DOCK2: variants seen among roughly 807,000 people sequenced by gnomAD.
The protein encoded by DOCK2 is dedicator of cytokinesis protein 2.
A neutral mutation model predicts 248.9 loss-of-function variants in DOCK2; 87 were observed. That is an observed-to-expected ratio of 0.35 (90% CI 0.29 to 0.42). The LOEUF is 0.42. DOCK2 is among the 10% of genes least tolerant of loss of function. The pLI, the probability that DOCK2 is intolerant of heterozygous loss-of-function variation, is 1.00. For synonymous variants in DOCK2, 805 were observed against 821.6 expected (o/e 0.98, Z 0.35); for missense variants, 1,747 against 2,300.2 (o/e 0.76, Z 4.92).
intron 6 of DOCK2, among the ~76,000 whole-genome samples, chr5:169,681,487 G>A (rs906382538): frequency 6.6e-6 from 1 of 151,380 alleles, no homozygotes; most frequent in Non-Finnish European, 1.5e-5. Context: ...CCTAGTTCAA[G>A]TGTTGGGTGT....
intron 25 of DOCK2, among the ~76,000 whole-genome samples, chr5:169,784,380 G>A (rs1366351578): frequency 1.3e-5 from 2 of 152,152 alleles, no homozygotes; most frequent in Non-Finnish European, 2.9e-5. Context: ...TTTCAGCCCA[G>A]GAAAGTGTGG....
chr5:169,657,225 G>T (rs1758172756), intron 2 of DOCK2, among the ~76,000 whole-genome samples: 1 of 152,138 alleles, frequency 6.6e-6, no homozygotes. Flanking sequence ...TAATGGAGCT[G>T]GAGGGGGTCT....
chr5:169,815,261 A>T (rs918101722), intron 26 of DOCK2, among the ~76,000 whole-genome samples: 1 of 152,188 alleles, frequency 6.6e-6, no homozygotes, highest in African/African-American at 2.4e-5. Context: ...CCATCTGGAA[A>T]ATAAGAAGAC....
Position 170,008,711 on chromosome 5 carries a change from T to G in DOCK2, c.3197T>G (p.Ile1066Ser). 6.2e-7 allele frequency: 1 copy of G among 1,614,088 alleles called. No individual in the cohort carries two copies. The highest frequency in any genetic ancestry group is 8.5e-7 in the Non-Finnish European group (1 of 1,179,976). ...LNKYGDMRRL[I>S]GFSIRDMWYK... is the part of the protein sequence containing the mutation. ...AGGTATGGGGACATGAGACGGCTAA[T>G]TGGCTTCTCCATCCGTGATATGTGG... Residue 1066 changes from isoleucine (I) to serine (S), a missense_variant, in exon 32 of 52, where the codon ATT (isoleucine) becomes AGT (serine). Ile to Ser is a moderately radical substitution (Grantham distance 142). This residue lies in a region of DOCK2 where 858 missense variants were observed against 1,183.5 expected (regional missense o/e 0.72). Coordinates refer to ENST00000520908, the MANE Select transcript of DOCK2 (RefSeq NM_004946.3).
At chr5:170,008,242 A>G (rs1455764320) in intron 30 of DOCK2, among the ~76,000 whole-genome samples, 1 of 151,320 alleles carries the variant, frequency 6.6e-6, no homozygotes, top group African/African-American at 2.4e-5. Flanking sequence ...AAAAAAACCT[A>G]AAATTCTCCT....
At chr5:169,719,438 G>T (rs1312817230) in intron 22 of DOCK2, among the ~76,000 whole-genome samples, 1 of 152,220 alleles carries the variant, frequency 6.6e-6, no homozygotes, top group East Asian at 1.9e-4. Flanking sequence ...GTGTGTGATG[G>T]AAAATAAGAA....
intron 27 of DOCK2, among the ~76,000 whole-genome samples, chr5:169,926,906 G>T (rs1007134939): frequency 2.6e-5 from 4 of 152,222 alleles, no homozygotes; most frequent in African/African-American, 9.6e-5. Flanking sequence ...TGTAAATTAT[G>T]ATACAAAACA....
intron 27 of DOCK2, among the ~76,000 whole-genome samples, chr5:169,903,311 TA>T (rs142632030): frequency 0.4 from 44,972 of 111,218 alleles, 7,483 homozygotes; most frequent in Admixed American, 0.51. Context: ...ACAACAACAA[TA>T]AAAAAAAAAA....
chr5:169,690,471 T>C (rs1438065296), intron 9 of DOCK2, among the ~76,000 whole-genome samples: 2 of 152,192 alleles, frequency 1.3e-5, no homozygotes, highest in East Asian at 1.9e-4. Context: ...TGTGATTACA[T>C]TGAGGAATAG....
intron 25 of DOCK2, among the ~76,000 whole-genome samples, chr5:169,767,036 A>G (rs916202282): frequency 6.6e-6 from 1 of 152,216 alleles, no homozygotes; most frequent in African/African-American, 2.4e-5. Flanking sequence ...GATTATGGGC[A>G]TGGGCCACTG....
intron 26 of DOCK2, among the ~76,000 whole-genome samples, chr5:169,808,403 T>G (rs1767531118): frequency 6.6e-6 from 1 of 152,064 alleles, no homozygotes; most frequent in Non-Finnish European, 1.5e-5. Flanking sequence ...AACCTTATTC[T>G]TTGAAACCCT....
chr5:169,880,644 A>C (rs1221972341), intron 27 of DOCK2, among the ~76,000 whole-genome samples: 1 of 152,222 alleles, frequency 6.6e-6, no homozygotes, highest in Non-Finnish European at 1.5e-5. Flanking sequence ...GCAGTTACAA[A>C]ACACATTCAC....
intron 15 of DOCK2, 53 bp from the exon 16 acceptor site, chr5:169,711,882 T>A (rs1761605523): frequency 1.2e-6 from 2 of 1,601,922 alleles, no homozygotes; most frequent in Admixed American, 3.3e-5. Context: ...GGGGGTGCAG[T>A]GGGGAGGGCC....
chr5:169,638,183 C>T (rs960004305), intron 1 of DOCK2, among the ~76,000 whole-genome samples: 3 of 152,118 alleles, frequency 2.0e-5, no homozygotes, highest in African/African-American at 4.8e-5. Flanking sequence ...TACCAGACAC[C>T]ATCTCAGAGA....
intron 30 of DOCK2, 60 bp downstream of exon 30, chr5:169,996,224 G>A (rs1337206711): frequency 6.4e-7 from 1 of 1,551,674 alleles, no homozygotes; most frequent in Non-Finnish European, 8.8e-7. Context: ...GACATTCTGG[G>A]CTGATTGCTC....
At chr5:169,847,871 T>C (rs948618741) in intron 27 of DOCK2, among the ~76,000 whole-genome samples, 1 of 152,240 alleles carries the variant, frequency 6.6e-6, no homozygotes, top group Non-Finnish European at 1.5e-5. Flanking sequence ...GCAAATATTA[T>C]GTATTTACTG....
chr5:169,664,612 A>G (rs1758617820), intron 2 of DOCK2, among the ~76,000 whole-genome samples: 1 of 152,228 alleles, frequency 6.6e-6, no homozygotes, highest in African/African-American at 2.4e-5. Context: ...TGGAAGGTGA[A>G]GGGGGAAGCA....
intron 21 of DOCK2, among the ~76,000 whole-genome samples, chr5:169,718,149 G>A (rs1273035116): frequency 6.6e-6 from 1 of 152,188 alleles, no homozygotes; most frequent in African/African-American, 2.4e-5. Flanking sequence ...TGGTTTGGGT[G>A]TAGGGAGAGG....
chr5:169,942,894 G>C (rs1393458335), intron 27 of DOCK2, among the ~76,000 whole-genome samples: 1 of 152,202 alleles, frequency 6.6e-6, no homozygotes, highest in South Asian at 2.1e-4. Context: ...TTCTTACTCA[G>C]CTGAAATAAA....
Sources: allele counts gnomAD v4.1 joint callset (sites outside exome capture counted in the v4.1 genomes callset), GRCh38; gene constraint gnomAD v4.1.1; regional missense constraint gnomAD v4.1.1; transcripts MANE v1.5; gene names NCBI Gene and HGNC (gene_info 2026-07-23, HGNC 2026-07-21).